Variants in PRKCE observed in about 807,000 individuals in gnomAD.
PRKCE encodes protein kinase C epsilon.
A neutral mutation model predicts 85.4 loss-of-function variants in PRKCE; 16 were observed. The ratio of observed to expected loss-of-function variants is 0.19; its 90% CI spans 0.13 to 0.28. The LOEUF (loss-of-function observed/expected upper bound fraction) is 0.28. PRKCE is among the 10% of genes least tolerant of loss of function. The probability of loss-of-function intolerance (pLI) is 1.00; values close to 1 mark genes in which losing one functional copy is unlikely to be tolerated. For missense variants in PRKCE, 573 were observed against 975.2 expected (o/e 0.59, Z 5.49); for synonymous variants, 388 against 371.5 (o/e 1.04, Z -0.51).
chr2:46,149,731 ATATATATGTATT>A (rs949342984), intron 12 of PRKCE, among the ~76,000 whole-genome samples: 9 of 145,458 alleles, frequency 6.2e-5, no homozygotes, highest in South Asian at 2.1e-4. Context: ...ATATGTATTT[ATATATATGTATT>A]TATATATATA....
intron 1 of PRKCE, among the ~76,000 whole-genome samples, chr2:45,836,895 C>T (rs775684250): frequency 1.6e-4 from 24 of 152,198 alleles, no homozygotes; most frequent in Non-Finnish European, 2.2e-4. Flanking sequence ...CCTCTCTCCA[C>T]GCCTTTGTGC....
chr2:45,730,224 C>T (rs925132806), intron 1 of PRKCE, among the ~76,000 whole-genome samples: 7 of 152,166 alleles, frequency 4.6e-5, no homozygotes, highest in Non-Finnish European at 1.0e-4. Flanking sequence ...TGCAGTGGTG[C>T]TCACTGTAAC....
chr2:46,119,511 T>C (rs897670244), intron 11 of PRKCE, among the ~76,000 whole-genome samples: 6 of 152,196 alleles, frequency 3.9e-5, no homozygotes, highest in Admixed American at 2.6e-4. Flanking sequence ...CCCTAAGGGC[T>C]TGTGTTTTCC....
At chr2:45,921,201 C>T (rs1365933267) in intron 2 of PRKCE, among the ~76,000 whole-genome samples, 1 of 152,236 alleles carries the variant, frequency 6.6e-6, no homozygotes, top group Admixed American at 6.5e-5. Context: ...GTCTTTTACA[C>T]AGCCAAGCCC....
intron 11 of PRKCE, among the ~76,000 whole-genome samples, chr2:46,120,305 T>G (rs1673183094): frequency 6.6e-6 from 1 of 152,106 alleles, no homozygotes; most frequent in African/African-American, 2.4e-5. Context: ...CTAGAGACAT[T>G]TTTGGTTGCT....
At chr2:46,120,831 C>G (rs147121607) in intron 11 of PRKCE, among the ~76,000 whole-genome samples, 3 of 152,292 alleles carry the variant, frequency 2.0e-5, no homozygotes, top group African/African-American at 4.8e-5. Context: ...AACGTTAAGT[C>G]AAGAAGTATA....
At chr2:45,960,570 C>T (rs557543756) in intron 2 of PRKCE, among the ~76,000 whole-genome samples, 1 of 152,272 alleles carries the variant, frequency 6.6e-6, no homozygotes, top group East Asian at 1.9e-4. Context: ...GAATCTAATG[C>T]TGCTGCTGGT....
chr2:45,724,463 T>C (rs1298271205), intron 1 of PRKCE, among the ~76,000 whole-genome samples: 1 of 152,200 alleles, frequency 6.6e-6, no homozygotes, highest in Non-Finnish European at 1.5e-5. Context: ...CAATGACCTC[T>C]AAGTGTTCCA....
At chr2:46,151,288 C>CACAG in intron 13 of PRKCE, 59 bp downstream of exon 13, 2 of 717,888 alleles carry the variant, frequency 2.8e-6, no homozygotes, top group South Asian at 3.9e-5. Flanking sequence ...CCTACACACA[C>CACAG]ACACACACAC....
At chr2:45,884,997 A>T (rs199990637) in intron 2 of PRKCE, among the ~76,000 whole-genome samples, 16,773 of 69,238 alleles carry the variant, frequency 0.24, 2,867 homozygotes, top group East Asian at 0.53. Flanking sequence ...ATATATATAT[A>T]TATATTTGTT....
chr2:45,880,108 G>C (rs1290276453), intron 2 of PRKCE, among the ~76,000 whole-genome samples: 1 of 152,168 alleles, frequency 6.6e-6, no homozygotes. Flanking sequence ...ACATGAGTGA[G>C]AGCATGCAGT....
intron 6 of PRKCE, among the ~76,000 whole-genome samples, chr2:45,991,921 T>A (rs1293553096): frequency 6.6e-6 from 1 of 152,188 alleles, no homozygotes; most frequent in African/African-American, 2.4e-5. Flanking sequence ...CTGAGAGGTG[T>A]CATTTATGCC....
intron 5 of PRKCE, among the ~76,000 whole-genome samples, chr2:45,982,033 G>A (rs545448967): frequency 3.3e-5 from 5 of 152,378 alleles, no homozygotes; most frequent in African/African-American, 1.2e-4. Context: ...GAAGTCTCCA[G>A]TGAAGTGTGT....
chr2:45,988,279 G>A (rs1364173146), intron 6 of PRKCE, among the ~76,000 whole-genome samples: 1 of 152,168 alleles, frequency 6.6e-6, no homozygotes, highest in East Asian at 1.9e-4. Flanking sequence ...AGCAAAACAG[G>A]TTTCTTCAGA....
intron 2 of PRKCE, among the ~76,000 whole-genome samples, chr2:45,947,728 G>A (rs1700337148): frequency 6.6e-6 from 1 of 152,082 alleles, no homozygotes; most frequent in African/African-American, 2.4e-5. Flanking sequence ...TTTTCCAATT[G>A]ATAGGCACTT....
intron 2 of PRKCE, among the ~76,000 whole-genome samples, chr2:45,882,157 T>C (rs1694936675): frequency 6.6e-6 from 1 of 152,258 alleles, no homozygotes; most frequent in South Asian, 2.1e-4. Flanking sequence ...TTCCTTCCGA[T>C]ATCATGATGT....
At chr2:46,008,450 G>T (rs911151349) in intron 9 of PRKCE, among the ~76,000 whole-genome samples, 1 of 152,220 alleles carries the variant, frequency 6.6e-6, no homozygotes, top group Non-Finnish European at 1.5e-5. Flanking sequence ...ATCTCTGATT[G>T]TTCCCTGGTT....
chr2:46,131,134 A>T (rs1674407794), intron 11 of PRKCE, among the ~76,000 whole-genome samples: 1 of 152,208 alleles, frequency 6.6e-6, no homozygotes, highest in South Asian at 2.1e-4. Context: ...TTTTAGCTGA[A>T]TGGCCTCAGG....
rs1418344305 is a variant in PRKCE, at chr2:45,949,056, T to C, written c.413-27373T>C. ...TTTTTTATGACCACAAACAGTGTTC[T>C]AGTGAACATCGTTGCATGTGTCTCC... On this transcript the variant is annotated intron_variant, in intron 2 of 14. Coordinates refer to ENST00000306156, the MANE Select transcript of PRKCE (RefSeq NM_005400.3). 2.6e-5 allele frequency among the ~76,000 whole-genome samples: 4 copies of C among 152,380 alleles called. No individual in the cohort carries two copies. In the East Asian group the frequency reaches 7.7e-4, roughly 29 times the overall value.
Sources: gnomAD v4.1 joint callset for allele counts (sites outside exome capture counted in the v4.1 genomes callset) on GRCh38, gnomAD v4.1.1 for gene constraint, MANE v1.5 for transcripts, NCBI Gene and HGNC (gene_info 2026-07-23, HGNC 2026-07-21) for gene names.